Variants in TECPR2 observed in about 807,000 individuals in gnomAD.
TECPR2 encodes the protein tectonin beta-propeller repeat containing 2.
In TECPR2, 65 loss-of-function variants were observed where a neutral mutation model predicts 138.1. The observed-to-expected ratio is 0.47, with a 90% CI of 0.39 to 0.58. The LOEUF is 0.58. Among genes scored for constraint, TECPR2 ranks in the 20% least tolerant of loss-of-function variants. TECPR2 has a pLI of 0.00. For synonymous variants in TECPR2, 746 were observed against 749.8 expected, an observed-to-expected ratio of 0.99 and a Z score of 0.08; for missense variants, 1,553 against 1,824.5, an observed-to-expected ratio of 0.85 and a Z score of 2.71.
In TECPR2 at chr14:102,440,584, C is replaced by A. The variant is rs747326662; in HGVS notation, c.2727C>A (p.Thr909=). ...LSDDTAWIIR[T]SGDLYLQTGL... is the part of the protein sequence containing the mutation. ...ATGACACGGCCTGGATCATCAGGAC[C>A]AGTGGGGACCTATACTTGCAGACAG... Residue 909 remains threonine (T), a synonymous_variant, in exon 11 of 20, where the codon ACC becomes ACA. Transcript: ENST00000359520. 6.2e-7 allele frequency: 1 copy of A among 1,614,096 alleles called. No homozygotes were observed. Among genetic ancestry groups the A allele is most frequent in the East Asian group, 2.2e-5 (1 of 44,880 alleles).
At chr14:102,381,491 T>A (rs542837974) in intron 2 of TECPR2, among the ~76,000 whole-genome samples, 17 of 152,276 alleles carry the variant, frequency 1.1e-4, no homozygotes, top group African/African-American at 4.1e-4. Flanking sequence ...TGAGAATCGC[T>A]TGAATCTGGG....
chr14:102,426,513 C>A (rs1369703940), intron 6 of TECPR2, among the ~76,000 whole-genome samples: 1 of 152,200 alleles, frequency 6.6e-6, no homozygotes, highest in Non-Finnish European at 1.5e-5. Context: ...GGGCCTCTGA[C>A]AGGCACCCCT....
At position 102,419,059 on chromosome 14, in the gene TECPR2, G is replaced by A. The variant is rs970537873; in HGVS notation, c.638+4266G>A. 2.6e-5 allele frequency among the ~76,000 whole-genome samples: 4 copies of A among 152,130 alleles called. No homozygotes were observed. The highest frequency in any genetic ancestry group is 1.9e-4 in the East Asian group (1 of 5,176). On this transcript the variant is annotated intron_variant, in intron 5 of 19. Coordinates refer to ENST00000359520, the MANE Select transcript of TECPR2 (RefSeq NM_014844.5). The surrounding 1 kb of genome is among the most constrained non-coding windows in gnomAD (Gnocchi z 4.8). ...GGGTGTACCTCTCGGGGAGCTGTGC[G>A]CTGGCAGCCACTGGCATGCAGACAG...
rs1159333858 is a variant in TECPR2, at chr14:102,420,598, G to A, written c.639-4381G>A. On this transcript the variant is annotated intron_variant, in intron 5 of 19. Transcript: ENST00000359520. This position sits in a 1 kb window ranked among gnomAD's most constrained non-coding sequence, Gnocchi z 4.1. Reference sequence around the variant, plus strand: ...GGCGATCCTCCTCCCTCAGCCTCCCGAGTAACTAGGACTACAGGCACGCAC... The same window carrying A: ...GGCGATCCTCCTCCCTCAGCCTCCCAAGTAACTAGGACTACAGGCACGCAC... Among the ~76,000 whole-genome samples, 2 of 152,054 alleles carry A rather than the reference G, an allele frequency of 1.3e-5. No homozygotes were observed. The highest frequency in any genetic ancestry group is 2.4e-5 in the African/African-American group (1 of 41,384).
intron 17 of TECPR2, among the ~76,000 whole-genome samples, chr14:102,482,925 G>A (rs992833998): frequency 7.1e-6 from 1 of 141,422 alleles, no homozygotes; most frequent in African/African-American, 2.6e-5. Flanking sequence ...CTCACTGCAA[G>A]CTCTGCCTCC....
chr14:102,482,149 G>A (rs1379835188), intron 17 of TECPR2, among the ~76,000 whole-genome samples: 1 of 152,092 alleles, frequency 6.6e-6, no homozygotes, highest in African/African-American at 2.4e-5. Flanking sequence ...CAACTCCTGG[G>A]TCCAAGTGAT....
intron 5 of TECPR2, among the ~76,000 whole-genome samples, chr14:102,423,437 CAAAA>C (rs35097163): frequency 1.5e-5 from 2 of 129,702 alleles, no homozygotes; most frequent in Non-Finnish European, 3.3e-5. Flanking sequence ...AACTCTGTCT[CAAAA>C]AAAAAAAAAG....
intron 9 of TECPR2, among the ~76,000 whole-genome samples, chr14:102,437,586 AAAAG>A (rs1317251819): frequency 1.3e-5 from 2 of 152,164 alleles, no homozygotes; most frequent in African/African-American, 4.8e-5. Context: ...TATGGTGGAA[AAAAG>A]AAAGACAGTG....
At chr14:102,363,325 C>T (rs1166537849) in intron 1 of TECPR2, among the ~76,000 whole-genome samples, 1 of 152,196 alleles carries the variant, frequency 6.6e-6, no homozygotes, top group Non-Finnish European at 1.5e-5. Context: ...GCGCCTGGCT[C>T]GCCGCCCGCA....
intron 17 of TECPR2, among the ~76,000 whole-genome samples, chr14:102,489,993 CA>C (rs1891119755): frequency 6.6e-6 from 1 of 151,422 alleles, no homozygotes; most frequent in Admixed American, 6.6e-5. Context: ...AAAAATAAAG[CA>C]AAAACAAGCA....
At chr14:102,482,658 G>A (rs1343597406) in intron 17 of TECPR2, among the ~76,000 whole-genome samples, 1 of 152,080 alleles carries the variant, frequency 6.6e-6, no homozygotes, top group Non-Finnish European at 1.5e-5. Context: ...CCAAGGAAGG[G>A]TTCATGGTTG....
rs146433901 is a variant in TECPR2, at chr14:102,381,331, G to A, written c.219+4391G>A. On this transcript the variant is annotated intron_variant, in intron 2 of 19. Coordinates refer to ENST00000359520, the MANE Select transcript of TECPR2 (RefSeq NM_014844.5). Reference sequence around the variant, plus strand: ...CTCACACCTGTAATTCCAGAACTTTGGGAGGCTGAGGCAGGTGGATCACTT... The same window carrying A: ...CTCACACCTGTAATTCCAGAACTTTAGGAGGCTGAGGCAGGTGGATCACTT... Among the ~76,000 whole-genome samples the A allele has an allele frequency of 3.4e-3, 520 of 152,330 alleles. 5 individuals are homozygous for A. The highest frequency in any genetic ancestry group is 0.012 in the African/African-American group (491 of 41,588).
In TECPR2 at chr14:102,434,524, A is replaced by G; in HGVS notation, c.1707A>G (p.Glu569=). The change falls in exon 9 of 20, where the codon GAA becomes GAG. Residue 569 remains glutamate (E), a synonymous_variant. Coordinates refer to ENST00000359520, the MANE Select transcript of TECPR2 (RefSeq NM_014844.5). ...SLAEEDDIRT[E]MPHCHHAHGR... Reference sequence around the variant, plus strand: ...CTGAGGAAGATGACATTAGAACTGAAATGCCACACTGTCACCATGCACATG... The same window carrying G: ...CTGAGGAAGATGACATTAGAACTGAGATGCCACACTGTCACCATGCACATG... The G allele has an allele frequency of 6.4e-7, 1 of 1,558,822 alleles. No homozygotes were observed.
chr14:102,423,663 A>G (rs1867370590), intron 5 of TECPR2, among the ~76,000 whole-genome samples: 1 of 152,144 alleles, frequency 6.6e-6, no homozygotes, highest in South Asian at 2.1e-4. Context: ...TGTTCACACA[A>G]CGAAGACATC....
Position 102,403,539 on chromosome 14 carries a change from A to G in TECPR2, c.220-3799A>G, listed in dbSNP as rs528494311. ...ATTTTAGCCAGAGTCATTAGCCAAG[A>G]AAAAGAAATTAAGAGGCATCAAAAT... On this transcript the variant is annotated intron_variant, in intron 2 of 19. Transcript: ENST00000359520. Among the ~76,000 whole-genome samples, 334 of 152,358 alleles carry G rather than the reference A, an allele frequency of 2.2e-3. 3 individuals carry two copies. The highest frequency in any genetic ancestry group is 7.6e-3 in the African/African-American group (317 of 41,588).
At chr14:102,467,804 T>C (rs975323787) in intron 17 of TECPR2, among the ~76,000 whole-genome samples, 1 of 152,096 alleles carries the variant, frequency 6.6e-6, no homozygotes, top group Non-Finnish European at 1.5e-5. Flanking sequence ...TATTGGTTAT[T>C]TGTGTATCTT....
At chr14:102,428,227 T>TTG in intron 6 of TECPR2, 23 bp from the exon 7 acceptor site, 4 of 1,259,446 alleles carry the variant, frequency 3.2e-6, no homozygotes, top group Non-Finnish European at 4.1e-6. Context: ...TTTTTGTTTT[T>TTG]TTTTTTTTTT....
chr14:102,411,152 C>T (rs530959338), intron 4 of TECPR2, among the ~76,000 whole-genome samples: 81 of 152,364 alleles, frequency 5.3e-4, no homozygotes, highest in African/African-American at 1.3e-3. Flanking sequence ...GTTCCCACGC[C>T]GCCCCTAATC....
intron 10 of TECPR2, 32 bp downstream of exon 10, chr14:102,438,237 T>C (rs1009520254): frequency 1.8e-6 from 2 of 1,139,870 alleles, no homozygotes; most frequent in Non-Finnish European, 2.5e-6. Flanking sequence ...TCCCGCTCCC[T>C]GCTCCCGCTC....
Sources: allele counts gnomAD v4.1 joint callset (sites outside exome capture counted in the v4.1 genomes callset), GRCh38; gene constraint gnomAD v4.1.1; non-coding constraint Gnocchi (gnomAD v3.1); transcripts MANE v1.5; gene names NCBI Gene and HGNC (gene_info 2026-07-23, HGNC 2026-07-21).